Variants in SSH2 observed in about 807,000 individuals in gnomAD.
SSH2 encodes the protein slingshot protein phosphatase 2.
A neutral mutation model predicts 135.2 loss-of-function variants in SSH2; 37 were observed. That is an observed-to-expected ratio of 0.27 (90% CI 0.21 to 0.36). The LOEUF (loss-of-function observed/expected upper bound fraction) is 0.36, where lower values mean the gene tolerates loss of function less well. SSH2 is among the 10% of genes least tolerant of loss of function. The pLI, the probability that SSH2 is intolerant of heterozygous loss-of-function variation, is 1.00. For missense variants in SSH2, 1,408 were observed against 1,765.3 expected, an observed-to-expected ratio of 0.80 and a Z score of 3.63; for synonymous variants, 628 against 646.2, an observed-to-expected ratio of 0.97 and a Z score of 0.43.
chr17:29,635,560 A>G (rs1487583052), intron 15 of SSH2, among the ~76,000 whole-genome samples: 1 of 151,438 alleles, frequency 6.6e-6, no homozygotes, highest in Non-Finnish European at 1.5e-5. Context: ...GCCGCCCGCC[A>G]CCACACCTGG....
At chr17:29,829,529 C>T (rs2042803418) in intron 2 of SSH2, among the ~76,000 whole-genome samples, 1 of 152,030 alleles carries the variant, frequency 6.6e-6, no homozygotes, top group African/African-American at 2.4e-5. Flanking sequence ...AAGAAGGGAG[C>T]CTGGGTTCTT....
At chr17:29,865,251 T>G (rs1440902679) in intron 1 of SSH2, among the ~76,000 whole-genome samples, 1 of 152,240 alleles carries the variant, frequency 6.6e-6, no homozygotes, top group Admixed American at 6.5e-5. Context: ...CAACTTAAGA[T>G]TGATACAGCA....
chr17:29,694,232 G>C (rs905305273), intron 5 of SSH2, among the ~76,000 whole-genome samples: 2 of 152,176 alleles, frequency 1.3e-5, no homozygotes, highest in African/African-American at 4.8e-5. Context: ...AATAAGGAAA[G>C]TAAGCCACGT....
chr17:29,668,712 G>T (rs2037373093), intron 9 of SSH2, among the ~76,000 whole-genome samples: 1 of 152,090 alleles, frequency 6.6e-6, no homozygotes. Flanking sequence ...ACTCCAGCCT[G>T]GGTAACGGAG....
chr17:29,712,529 C>T (rs982098750), intron 3 of SSH2, among the ~76,000 whole-genome samples: 2 of 152,170 alleles, frequency 1.3e-5, no homozygotes, highest in African/African-American at 4.8e-5. Context: ...TCTGGCTGAG[C>T]GCGGTGGCTC....
At chr17:29,915,894 T>C (rs1465429224) in intron 1 of SSH2, among the ~76,000 whole-genome samples, 5 of 151,936 alleles carry the variant, frequency 3.3e-5, no homozygotes, top group African/African-American at 7.2e-5. Flanking sequence ...GTTTGTTACA[T>C]ATGTATACAT....
chr17:29,744,869 G>A, intron 3 of SSH2, among the ~76,000 whole-genome samples: 1 of 146,322 alleles, frequency 6.8e-6, no homozygotes, highest in South Asian at 2.1e-4. Flanking sequence ...GAGTGTGTGT[G>A]TGTGTGTGTG....
intron 3 of SSH2, among the ~76,000 whole-genome samples, chr17:29,755,876 C>T (rs1453719598): frequency 1.3e-5 from 2 of 150,170 alleles, no homozygotes; most frequent in South Asian, 2.1e-4. Context: ...TTAGCCAGGA[C>T]GGTCTCGATC....
At chr17:29,882,179 C>T (rs1289015780) in intron 1 of SSH2, among the ~76,000 whole-genome samples, 2 of 152,180 alleles carry the variant, frequency 1.3e-5, no homozygotes, top group South Asian at 2.1e-4. Context: ...GAGCATATTA[C>T]TGATGGAAGT....
chr17:29,760,917 T>C (rs1251773240), intron 3 of SSH2, among the ~76,000 whole-genome samples: 1 of 151,984 alleles, frequency 6.6e-6, no homozygotes, highest in African/African-American at 2.4e-5. Context: ...ACGGAAATTC[T>C]CCCAAAGGAT....
intron 2 of SSH2, among the ~76,000 whole-genome samples, chr17:29,832,112 C>G (rs892094001): frequency 1.3e-5 from 2 of 152,134 alleles, no homozygotes; most frequent in East Asian, 3.9e-4. Context: ...ATAAATCTGT[C>G]TTTCTAGGCT....
At chr17:29,754,814 G>A (rs1193697902) in intron 3 of SSH2, among the ~76,000 whole-genome samples, 1 of 151,940 alleles carries the variant, frequency 6.6e-6, no homozygotes, top group East Asian at 1.9e-4. Context: ...CTACAGGCAC[G>A]CACCACCATG....
rs1483892890 is a variant in SSH2 at position 29,810,793 on chromosome 17, C to T, written c.145-16856G>A. On this transcript the variant is annotated intron_variant, in intron 2 of 15. Transcript: ENST00000540801. The stretch of plus-strand genomic sequence containing the variant: ...GAGTGCACAATTTCACCCACTTAGT[C>T]TTCCAAATGACTTTGTTAGGTTTTC... 3.9e-5 allele frequency among the ~76,000 whole-genome samples: 6 copies of T among 152,298 alleles called. No homozygotes were observed. In the East Asian group the frequency reaches 1.2e-3, roughly 29 times the overall value.
At position 29,921,392 on chromosome 17, in the gene SSH2, G is replaced by T. The variant is rs114141291; in HGVS notation, c.63+8546C>A. On this transcript the variant is annotated intron_variant, in intron 1 of 15. Transcript: ENST00000540801. ...ACTTAAACATTTTTATACAATGCTT[G>T]TAAACAAAGATTGATTCAACCTTTC... 4.6e-3 allele frequency among the ~76,000 whole-genome samples: 694 copies of T among 152,262 alleles called. 8 individuals carry two copies. The highest frequency in any genetic ancestry group is 0.016 in the African/African-American group (656 of 41,550).
intron 1 of SSH2, among the ~76,000 whole-genome samples, chr17:29,903,251 A>G (rs1047210235): frequency 1.6e-4 from 23 of 148,078 alleles, no homozygotes; most frequent in African/African-American, 4.9e-4. Context: ...AAATATATTT[A>G]TATATTTAAA....
chr17:29,807,508 AGGAGTTCATCTGCCTGAAGG>A (rs1188117274), intron 2 of SSH2, among the ~76,000 whole-genome samples: 4 of 152,220 alleles, frequency 2.6e-5, no homozygotes, highest in African/African-American at 4.8e-5. Context: ...ACCATACTCA[AGGAGTTCATCTGCCTGAAGG>A]GGAGTTCATC....
chr17:29,785,805 CTTTT>C (rs748367220), intron 3 of SSH2, among the ~76,000 whole-genome samples: 2 of 125,122 alleles, frequency 1.6e-5, no homozygotes, highest in Non-Finnish European at 3.3e-5. Context: ...AGTCCGTTTA[CTTTT>C]TTTTTTTTTT....
chr17:29,757,588 C>T (rs901319609), intron 3 of SSH2, among the ~76,000 whole-genome samples: 23 of 151,990 alleles, frequency 1.5e-4, no homozygotes, highest in African/African-American at 5.3e-4. Context: ...TATAGCAAGT[C>T]TCTTTAAAGA....
At chr17:29,807,224 CA>C (rs1189750370) in intron 2 of SSH2, among the ~76,000 whole-genome samples, 3 of 152,130 alleles carry the variant, frequency 2.0e-5, no homozygotes, top group Admixed American at 6.5e-5. Flanking sequence ...AAATCACTTT[CA>C]AACTACAAAG....
Sources: allele counts gnomAD v4.1 joint callset (sites outside exome capture counted in the v4.1 genomes callset), GRCh38; gene constraint gnomAD v4.1.1; transcripts MANE v1.5; gene names NCBI Gene and HGNC (gene_info 2026-07-23, HGNC 2026-07-21).